SVIL: variants seen among roughly 807,000 people sequenced by gnomAD.
SVIL encodes the protein supervillin.
In SVIL, 101 loss-of-function variants were observed where a neutral mutation model predicts 240.4. The observed-to-expected ratio is 0.42, with a 90% CI of 0.36 to 0.50. The LOEUF (loss-of-function observed/expected upper bound fraction) is 0.50. Among genes scored for constraint, SVIL ranks in the 20% least tolerant of loss-of-function variants. The probability of loss-of-function intolerance (pLI) is 0.01; values close to 1 mark genes in which losing one functional copy is unlikely to be tolerated. For missense variants in SVIL, 2,512 were observed against 2,818.7 expected (o/e 0.89, Z 2.46); for synonymous variants, 999 against 1,100.0 (o/e 0.91, Z 1.82).
chr10:29,496,566 T>A, intron 18 of SVIL: 1 of 353,718 alleles, frequency 2.8e-6, no homozygotes, highest in Non-Finnish European at 5.6e-6. Flanking sequence ...TGGCTCCCCC[T>A]GCTGGCGGTT....
intron 3 of SVIL, among the ~76,000 whole-genome samples, chr10:29,650,724 G>A (rs1958807894): frequency 6.6e-6 from 1 of 152,154 alleles, no homozygotes; most frequent in Admixed American, 6.5e-5. Context: ...CCCAAGCTGG[G>A]AGGATCATTG....
intron 22 of SVIL, among the ~76,000 whole-genome samples, chr10:29,490,622 T>A (rs573522591): frequency 0.095 from 14,335 of 151,264 alleles, 864 homozygotes; most frequent in Non-Finnish European, 0.13. Flanking sequence ...CAGTATAATC[T>A]GAATTAACTA....
chr10:29,576,531 C>A (rs530002174), intron 1 of SVIL, among the ~76,000 whole-genome samples: 2 of 152,216 alleles, frequency 1.3e-5, no homozygotes, highest in East Asian at 3.9e-4. Flanking sequence ...TATATACATA[C>A]CCCATCATTT....
At chr10:29,538,030 G>A (rs558025876) in intron 6 of SVIL, among the ~76,000 whole-genome samples, 1 of 152,340 alleles carries the variant, frequency 6.6e-6, no homozygotes, top group African/African-American at 2.4e-5. Flanking sequence ...AGGAACGAAG[G>A]CAGTGCAACT....
chr10:29,498,769 C>T (rs1199998249), intron 18 of SVIL, among the ~76,000 whole-genome samples: 1 of 152,006 alleles, frequency 6.6e-6, no homozygotes, highest in Non-Finnish European at 1.5e-5. Context: ...TTACTTAAGC[C>T]CAAGAGTTTG....
Position 29,488,716 on chromosome 10 carries a change from A to C in SVIL, c.4233T>G (p.Gly1411=). 1.2e-6 allele frequency: 2 copies of C among 1,612,876 alleles called. No individual in the cohort carries two copies. Among genetic ancestry groups the C allele is most frequent in the Non-Finnish European group, 1.7e-6 (2 of 1,179,584 alleles). ...NSNFSEVTLA[G]LASKENFSNV... is the part of the protein sequence containing the mutation. Reference sequence around the variant, plus strand: ...TGCTGAAGTTTTCTTTACTGGCTAAACCCGCCAGGGTGACTTCTGAGAAGT... The same window carrying C: ...TGCTGAAGTTTTCTTTACTGGCTAACCCCGCCAGGGTGACTTCTGAGAAGT... Residue 1411 remains glycine, a synonymous_variant, in exon 23 of 38, where the codon GGT becomes GGG. Transcript: ENST00000355867.
chr10:29,712,993 A>G lies in SVIL; in HGVS notation c.-400+22758T>C, dbSNP rs12265403. On this transcript the variant is annotated intron_variant, in intron 1 of 35. Coordinates refer to the SVIL transcript ENST00000375400. ...GGAGTTCGAGACCAGCCTGGCCAACATGGTGAAACCCCGTCTCTACTAAAA... is the reference window on the plus strand; with the variant it reads ...GGAGTTCGAGACCAGCCTGGCCAACGTGGTGAAACCCCGTCTCTACTAAAA... Among the ~76,000 whole-genome samples, 423 of 152,270 alleles carry G rather than the reference A, an allele frequency of 2.8e-3. 4 individuals are homozygous for G. The highest frequency in any genetic ancestry group is 9.4e-3 in the African/African-American group (389 of 41,552).
chr10:29,497,392 T>C (rs1036920642), intron 18 of SVIL, among the ~76,000 whole-genome samples: 6 of 152,200 alleles, frequency 3.9e-5, no homozygotes, highest in Non-Finnish European at 7.3e-5. Flanking sequence ...TATGTGCATA[T>C]AGGTGACAAA....
chr10:29,524,647 T>C lies in SVIL; in HGVS notation c.2411A>G (p.Glu804Gly), dbSNP rs1206990320. Residue 804 changes from glutamate to glycine, a missense_variant, in exon 14 of 38, where the codon GAG becomes GGG. This residue lies in a region of SVIL where 1,443 missense variants were observed against 1,486.6 expected (regional missense o/e 0.97). Transcript: ENST00000355867. The stretch of plus-strand genomic sequence containing the variant: ...AGTGGAGGAATCAGGTTCTCCTTGC[T>C]CAGCAAGCTCTTTGCCCTCATTTGT... Reference protein sequence around the residue: ...DQTNEGKELAEQGEPDSSTLS... With the variant: ...DQTNEGKELAGQGEPDSSTLS... The C allele has an allele frequency of 6.2e-7, 1 of 1,614,212 alleles. No homozygotes were observed. The highest frequency in any genetic ancestry group is 1.1e-5 in the South Asian group (1 of 91,086).
chr10:29,637,540 T>C (rs938506642), upstream of SVIL, among the ~76,000 whole-genome samples: 4 of 152,176 alleles, frequency 2.6e-5, no homozygotes, highest in East Asian at 7.7e-4. Flanking sequence ...TATTAAGGCC[T>C]ACTGGATAAC....
intron 1 of SVIL, among the ~76,000 whole-genome samples, chr10:29,696,368 C>G (rs1203558803): frequency 2.0e-5 from 3 of 152,182 alleles, no homozygotes; most frequent in East Asian, 2.0e-4. Flanking sequence ...CCTGCCCGGC[C>G]GCCACCCCGT....
At chr10:29,587,964 G>C (rs1179732052) in intron 1 of SVIL, among the ~76,000 whole-genome samples, 2 of 152,206 alleles carry the variant, frequency 1.3e-5, no homozygotes, top group African/African-American at 4.8e-5. Flanking sequence ...TGGACTCAGA[G>C]ACTCTCCCCC....
intron 1 of SVIL, among the ~76,000 whole-genome samples, chr10:29,596,925 A>C (rs1956613794): frequency 6.6e-6 from 1 of 152,202 alleles, no homozygotes; most frequent in South Asian, 2.1e-4. Flanking sequence ...TGCTGTCTCC[A>C]TTGCTACGAT....
In SVIL at chr10:29,672,053, T is replaced by C. The variant is rs114900383; in HGVS notation, c.-300-13985A>G. Among the ~76,000 whole-genome samples, 740 of 152,336 alleles carry C rather than the reference T, an allele frequency of 4.9e-3. 5 individuals carry two copies. Among genetic ancestry groups the C allele is most frequent in the African/African-American group, 0.017 (720 of 41,568 alleles). On this transcript the variant is annotated intron_variant, in intron 2 of 35. Coordinates refer to the SVIL transcript ENST00000375400. ...CCACTTAAGAAGCTAATGAAACCTA[T>C]AGGCTCCCTCTCCAGAAATATCTCC...
chr10:29,506,770 A>AT (rs539373187), intron 17 of SVIL, among the ~76,000 whole-genome samples: 9 of 139,696 alleles, frequency 6.4e-5, no homozygotes, highest in South Asian at 2.4e-4. Context: ...CAGAGGCCCT[A>AT]GAGGGAAAGG....
intron 1 of SVIL, among the ~76,000 whole-genome samples, chr10:29,571,216 G>T (rs1388009293): frequency 6.6e-6 from 1 of 152,218 alleles, no homozygotes; most frequent in Admixed American, 6.5e-5. Flanking sequence ...GAATAGCTCA[G>T]ACCCCATAAT....
intron 29 of SVIL, chr10:29,475,210 T>A (rs1341045263): frequency 6.6e-6 from 1 of 152,158 alleles, no homozygotes; most frequent in Non-Finnish European, 1.5e-5. Flanking sequence ...TTTTAAAATT[T>A]TGTAGAGATA....
intron 29 of SVIL, among the ~76,000 whole-genome samples, chr10:29,475,043 G>A (rs1459328015): frequency 6.6e-6 from 1 of 152,166 alleles, no homozygotes; most frequent in Non-Finnish European, 1.5e-5. Flanking sequence ...GTCACAGGGA[G>A]GTTACAGGGT....
intron 1 of SVIL, among the ~76,000 whole-genome samples, chr10:29,578,948 T>G (rs1955818798): frequency 8.5e-6 from 1 of 117,312 alleles, no homozygotes; most frequent in Admixed American, 9.5e-5. Flanking sequence ...GAAGCCATGA[T>G]GTGAAACAGA....
Sources: gnomAD v4.1 joint callset for allele counts (sites outside exome capture counted in the v4.1 genomes callset) on GRCh38, gnomAD v4.1.1 for gene constraint, gnomAD v4.1.1 regional missense constraint, MANE v1.5 for transcripts, NCBI Gene and HGNC (gene_info 2026-07-23, HGNC 2026-07-21) for gene names.